The following AP5Z1 variants were observed in gnomAD, a reference collection of about 807,000 sequenced individuals.
AP5Z1 encodes the protein adaptor related protein complex 5 subunit zeta 1.
A neutral mutation model predicts 83.0 loss-of-function variants in AP5Z1; 106 were observed. The ratio of observed to expected loss-of-function variants is 1.28; its 90% CI spans 1.09 to 1.50. The LOEUF is 1.50. Among genes scored for constraint, AP5Z1 ranks in the 40% most tolerant of loss-of-function variants. The pLI is 0.00. For synonymous variants in AP5Z1, 751 were observed against 514.1 expected, an observed-to-expected ratio of 1.46 and a Z score of -6.23; for missense variants, 1,565 against 1,094.2, an observed-to-expected ratio of 1.43 and a Z score of -6.07.
chr7:4,788,936 C>T lies in AP5Z1; in HGVS notation c.1692C>T (p.Phe564=). The stretch of plus-strand genomic sequence containing the variant: ...TGCCCACGCTGCTGCAGGCATTCTT[C>T]TCAGCAGTGACCCAGGTGAGCTCGC... The part of the protein sequence containing the change: ...QAVPTLLQAF[F]SAVTQVADGS... Residue 564 remains phenylalanine, a synonymous_variant, in exon 13 of 17, where the codon TTC becomes TTT. Transcript: ENST00000649063. 6.2e-7 allele frequency: 1 copy of T among 1,611,260 alleles called. No individual in the cohort carries two copies. The highest frequency in any genetic ancestry group is 1.3e-5 in the African/African-American group (1 of 75,002).
intron 11 of AP5Z1, 118 bp downstream of exon 11, chr7:4,787,894 C>T: frequency 3.8e-6 from 5 of 1,305,486 alleles, no homozygotes; most frequent in Non-Finnish European, 4.1e-6. Flanking sequence ...CCCCCCCCAA[C>T]ACCTGACCAG....
At position 4,785,520 on chromosome 7, in the gene AP5Z1, A is replaced by G; in HGVS notation, c.970-2A>G. ...CCATTTGATGTGGTCCATGTCCCGC[A>G]GTGCCTGGTGGAGGCCGTGCTGGTG... On this transcript the variant is annotated splice_acceptor_variant, in intron 8 of 16. Transcript: ENST00000649063. LOFTEE classifies it high-confidence loss of function. The G allele has an allele frequency of 1.9e-6, 3 of 1,613,334 alleles. No homozygotes were observed. The highest frequency in any genetic ancestry group is 1.7e-5 in the Admixed American group (1 of 59,994).
intron 10 of AP5Z1, among the ~76,000 whole-genome samples, chr7:4,787,008 A>G (rs892957308): frequency 6.6e-6 from 1 of 151,464 alleles, no homozygotes; most frequent in African/African-American, 2.4e-5. Flanking sequence ...CTGACCTCAG[A>G]TGATCCTCCT....
intron 9 of AP5Z1, among the ~76,000 whole-genome samples, chr7:4,785,933 G>T (rs1298586717): frequency 6.6e-6 from 1 of 152,076 alleles, no homozygotes; most frequent in African/African-American, 2.4e-5. Flanking sequence ...GGATTGCTGT[G>T]CCAGATGTTG....
chr7:4,788,341 G>A lies in AP5Z1; in HGVS notation c.1595+47G>A, dbSNP rs3816851. 0.068 allele frequency: 102,910 copies of A among 1,520,084 alleles called. 4,427 individuals carry two copies. The highest frequency in any genetic ancestry group is 0.18 in the South Asian group (14,629 of 80,760). The allele number at this position is 1,520,084 out of a possible 1,614,324, so 94.2% of individuals were successfully genotyped here. A position where few individuals can be genotyped will look rare whatever the true frequency, so the allele number is the denominator to read the frequency against. Reference sequence around the variant, plus strand: ...GGGCCACCAGTGGCTCAGAGAGCCCGGCCACAGCCACTGGGGTGGGGCTCA... The same window carrying A: ...GGGCCACCAGTGGCTCAGAGAGCCCAGCCACAGCCACTGGGGTGGGGCTCA... On this transcript the variant is annotated intron_variant, in intron 12 of 16. Coordinates refer to ENST00000649063, the MANE Select transcript of AP5Z1 (RefSeq NM_014855.3).
rs765607998 is a variant in AP5Z1 at position 4,788,329 on chromosome 7, C to T, written c.1595+35C>T. On this transcript the variant is annotated intron_variant, in intron 12 of 16. Transcript: ENST00000649063. ...CCTAGGGCCAGGGGGCCACCAGTGG[C>T]TCAGAGAGCCCGGCCACAGCCACTG... 2.0e-6 allele frequency: 3 copies of T among 1,538,014 alleles called. No individual in the cohort carries two copies. In the South Asian group the frequency reaches 3.6e-5, roughly 18 times the overall value.
At chr7:4,783,289 C>G (rs1393000865) in intron 3 of AP5Z1, 27 bp from the exon 4 acceptor site, 7 of 1,574,624 alleles carry the variant, frequency 4.4e-6, no homozygotes, top group African/African-American at 1.3e-5. Flanking sequence ...GGCCAGTACC[C>G]CAGCGTTTGC....
intron 1 of AP5Z1, among the ~76,000 whole-genome samples, chr7:4,778,773 T>C (rs919577291): frequency 2.7e-5 from 4 of 146,806 alleles, no homozygotes; most frequent in African/African-American, 7.4e-5. Flanking sequence ...ATATTACATA[T>C]ATATTTAGTA....
rs1314164472 is a variant in AP5Z1, at chr7:4,785,407, C to T, written c.932-8C>T. 1.9e-6 allele frequency: 3 copies of T among 1,612,834 alleles called. No homozygotes were observed. The highest frequency in any genetic ancestry group is 2.5e-6 in the Non-Finnish European group (3 of 1,179,386). ...ACAGAGCCGGCTGACTTTTTCCCCT[C>T]CTTCCAGGAGCCCTGAGGAAGGGGG... On this transcript the variant is annotated splice_polypyrimidine_tract_variant and splice_region_variant and intron_variant, in intron 7 of 16. Coordinates refer to ENST00000649063, the MANE Select transcript of AP5Z1 (RefSeq NM_014855.3).
rs1188951617 is a variant in AP5Z1, at chr7:4,783,390, A to C, written c.441A>C (p.Gly147=). ...CGCTGGAGAGCCGGCAGCCTGAGGG[A>C]CCCAGCCTCAGACACCTCCTCCCCG... is the stretch of plus-strand genomic sequence containing the variant. ...LRALESRQPE[G]PSLRHLLPVM... The change falls in exon 4 of 17, where the codon GGA becomes GGC. Residue 147 remains glycine (G), a synonymous_variant. Coordinates refer to ENST00000649063, the MANE Select transcript of AP5Z1 (RefSeq NM_014855.3). 6.2e-7 allele frequency: 1 copy of C among 1,613,034 alleles called. No homozygotes were observed. Among genetic ancestry groups the C allele is most frequent in the South Asian group, 1.1e-5 (1 of 91,070 alleles).
rs767313122 is a variant in AP5Z1, at chr7:4,784,866, GGAGCCACACGTCAGCCTGCT to G, written c.791-38_791-19del. ...AGGGCAGCAGGCATGTCCCAGCCCG[GGAGCCACACGTCAGCCTGCT>G]GAGAGTTCCCACCTCCCGCAGATGA... On this transcript the variant is annotated intron_variant, in intron 6 of 16. Transcript: ENST00000649063. 7.6e-6 allele frequency: 12 copies of G among 1,588,606 alleles called. No homozygotes were observed. In the South Asian group the frequency reaches 1.4e-4, roughly 18 times the overall value.
chr7:4,781,857 T>G, intron 3 of AP5Z1, 103 bp downstream of exon 3: 1 of 1,319,004 alleles, frequency 7.6e-7, no homozygotes, highest in East Asian at 2.6e-5. Flanking sequence ...GGCTGCTTGT[T>G]GTAGACGCAT....
chr7:4,789,965 C>T (rs1307341342), intron 14 of AP5Z1, 36 bp downstream of exon 14: 22 of 1,480,666 alleles, frequency 1.5e-5, no homozygotes, highest in Admixed American at 6.4e-5. Context: ...CAGCCCTGGG[C>T]GGGTGCCTCC....
rs751050023 is a variant in AP5Z1 at position 4,790,430 on chromosome 7, A to G, written c.1806-29A>G. On this transcript the variant is annotated intron_variant, in intron 14 of 16. Coordinates refer to ENST00000649063, the MANE Select transcript of AP5Z1 (RefSeq NM_014855.3). ...GGGATGGGGTCATAGGTCTGCACAG[A>G]GCAGGCGTAGACCCGGCTTTCTGGG... 9 of 1,612,740 alleles carry G rather than the reference A, an allele frequency of 5.6e-6. No homozygotes were observed. The Admixed American group carries it at 1.3e-4, about 24-fold the overall frequency.
Position 4,783,690 on chromosome 7 carries a change from C to T in AP5Z1, c.513C>T (p.Asp171=), listed in dbSNP as rs920254695. 1.3e-5 allele frequency: 20 copies of T among 1,549,972 alleles called. No homozygotes were observed. Among genetic ancestry groups the T allele is most frequent in the Non-Finnish European group, 1.6e-5 (18 of 1,146,496 alleles). ...VVLSPGTLQE[D]QATLLSKRLV... ...CCCATGCCACCCCACCCACTGCAGA[C>T]CAGGCCACCCTGCTCAGCAAGCGGC... Residue 171 remains aspartate (D), a splice_region_variant and synonymous_variant, in exon 5 of 17, where the codon GAC becomes GAT. Transcript: ENST00000649063.
At position 4,785,057 on chromosome 7, in the gene AP5Z1, C is replaced by T; in HGVS notation, c.931+9C>T. 1 of 1,589,666 alleles carries T rather than the reference C, an allele frequency of 6.3e-7. No homozygotes were observed. Among genetic ancestry groups the T allele is most frequent in the South Asian group, 1.1e-5 (1 of 88,294 alleles). On this transcript the variant is annotated intron_variant, in intron 7 of 16. Transcript: ENST00000649063. ...TGAGCAAAGTAACCGACGTGAGTCC[C>T]CCACCCAGGGCACTGGCCTCCCCAG...
chr7:4,788,340 C>G, intron 12 of AP5Z1, 46 bp downstream of exon 12: 2 of 1,521,058 alleles, frequency 1.3e-6, no homozygotes, highest in Non-Finnish European at 1.8e-6. Context: ...TCAGAGAGCC[C>G]GGCCACAGCC....
At chr7:4,786,853 C>T (rs962056282) in intron 10 of AP5Z1, among the ~76,000 whole-genome samples, 1 of 152,092 alleles carries the variant, frequency 6.6e-6, no homozygotes, top group African/African-American at 2.4e-5. Flanking sequence ...TCACTGCAAC[C>T]CCCGCCTCCT....
chr7:4,787,954 G>A (rs1187351371), intron 11 of AP5Z1, among the ~76,000 whole-genome samples, 178 bp downstream of exon 11: 7 of 152,042 alleles, frequency 4.6e-5, no homozygotes, highest in Admixed American at 4.6e-4. Context: ...GTCACCCTTG[G>A]CCACTTGCCA....
Sources: gnomAD v4.1 joint callset for allele counts (sites outside exome capture counted in the v4.1 genomes callset) on GRCh38, gnomAD v4.1.1 for gene constraint, MANE v1.5 for transcripts, NCBI Gene and HGNC (gene_info 2026-07-23, HGNC 2026-07-21) for gene names.